Variants in TAF2 observed in about 807,000 individuals in gnomAD.
TAF2 encodes the protein transcription initiation factor TFIID subunit 2.
A neutral mutation model predicts 138.5 loss-of-function variants in TAF2; 61 were observed. That is an observed-to-expected ratio of 0.44 (90% CI 0.36 to 0.54). The LOEUF (loss-of-function observed/expected upper bound fraction) is 0.54, where lower values mean the gene tolerates loss of function less well. TAF2 is among the 20% of genes least tolerant of loss of function. TAF2 has a pLI of 0.00. For missense variants in TAF2, 1,090 were observed against 1,427.9 expected, an observed-to-expected ratio of 0.76 and a Z score of 3.81; for synonymous variants, 475 against 469.9, an observed-to-expected ratio of 1.01 and a Z score of -0.14.
At chr8:119,757,464 T>C (rs1346913927) in intron 21 of TAF2, among the ~76,000 whole-genome samples, 3 of 152,216 alleles carry the variant, frequency 2.0e-5, no homozygotes, top group Non-Finnish European at 4.4e-5. Flanking sequence ...TGTGAGTTTG[T>C]TCTTTAGTGC....
Position 119,812,552 on chromosome 8 carries a change from C to A in TAF2, c.300-6151G>T, listed in dbSNP as rs910544317. Among the ~76,000 whole-genome samples, 3 of 152,082 alleles carry A rather than the reference C, an allele frequency of 2.0e-5. No homozygotes were observed. In the East Asian group the frequency reaches 5.8e-4, roughly 29 times the overall value. On this transcript the variant is annotated intron_variant, in intron 3 of 25. Coordinates refer to ENST00000378164, the MANE Select transcript of TAF2 (RefSeq NM_003184.4). ...TCTTCACATACCCATAGCTTAGTCTCGAATAATCTGATGGTTTAGATTTCA... is the reference window on the plus strand; with the variant it reads ...TCTTCACATACCCATAGCTTAGTCTAGAATAATCTGATGGTTTAGATTTCA...
Position 119,794,225 on chromosome 8 carries a change from G to A in TAF2, c.1192-774C>T, listed in dbSNP as rs533701066. On this transcript the variant is annotated intron_variant, in intron 9 of 25. Coordinates refer to ENST00000378164, the MANE Select transcript of TAF2 (RefSeq NM_003184.4). ...ATCCTGGCCAACATGGTGAAATCCC[G>A]TCTCTACTAAAAATACAAAAAATTA... Among the ~76,000 whole-genome samples, 48 of 152,070 alleles carry A rather than the reference G, an allele frequency of 3.2e-4. 2 individuals carry two copies. The South Asian group carries it at 7.3e-3, about 23-fold the overall frequency.
At chr8:119,765,245 A>T (rs1039937922) in intron 18 of TAF2, among the ~76,000 whole-genome samples, 3 of 152,220 alleles carry the variant, frequency 2.0e-5, no homozygotes, top group African/African-American at 7.2e-5. Flanking sequence ...CTGGAGACAC[A>T]GAGATAAGAT....
intron 3 of TAF2, among the ~76,000 whole-genome samples, chr8:119,816,467 T>C (rs1308786619): frequency 6.6e-6 from 1 of 152,234 alleles, no homozygotes; most frequent in African/African-American, 2.4e-5. Context: ...AAGACATACT[T>C]GTATGTAAAA....
rs201947539 is a variant in TAF2 at position 119,812,718 on chromosome 8, G to GGTGTGTGTGTGT, written c.300-6329_300-6318dup. On this transcript the variant is annotated intron_variant, in intron 3 of 25. Transcript: ENST00000378164. ...TTTTTATGGCTGAGTAGTATTCCAT[G>GGTGTGTGTGTGT]GTGTGTGTGTGTGTGTGTGTGTGTG... Among the ~76,000 whole-genome samples, 309 of 143,948 alleles carry GGTGTGTGTGTGT rather than the reference G, an allele frequency of 2.1e-3. 2 individuals are homozygous for GGTGTGTGTGTGT. Among genetic ancestry groups the GGTGTGTGTGTGT allele is most frequent in the Admixed American group, 9.7e-3 (144 of 14,792 alleles). The allele number at this position is 143,948 out of a possible 152,430, so 94.4% of individuals were successfully genotyped here.
rs758792791 is a variant in TAF2 at position 119,795,592 on chromosome 8, G to C, written c.1131C>G (p.Ile377Met). 1 of 1,613,732 alleles carries C rather than the reference G, an allele frequency of 6.2e-7. No homozygotes were observed. Among genetic ancestry groups the C allele is most frequent in the Non-Finnish European group, 8.5e-7 (1 of 1,179,812 alleles). Reference sequence around the variant, plus strand: ...AAGTTTTTTTCATCCAAAGTCCATAGATATAGCCTGAAATTCCCTTCAGCA... The same window carrying C: ...AAGTTTTTTTCATCCAAAGTCCATACATATAGCCTGAAATTCCCTTCAGCA... The part of the protein sequence containing the change: ...EWVLKGISGY[I>M]YGLWMKKTFG... The change falls in exon 9 of 26, where the codon ATC (isoleucine) becomes ATG (methionine). Residue 377 changes from isoleucine (I) to methionine (M), a missense_variant. Ile to Met is a conservative substitution (Grantham distance 10). Coordinates refer to ENST00000378164, the MANE Select transcript of TAF2 (RefSeq NM_003184.4).
intron 24 of TAF2, 136 bp downstream of exon 24, chr8:119,744,152 T>G (rs1819788072): frequency 2.3e-6 from 2 of 866,858 alleles, no homozygotes; most frequent in East Asian, 5.1e-5. Flanking sequence ...TGTTATAATC[T>G]GCTACAATTT....
intron 3 of TAF2, among the ~76,000 whole-genome samples, chr8:119,809,769 A>T (rs1461898648): frequency 6.6e-6 from 1 of 152,198 alleles, no homozygotes; most frequent in Admixed American, 6.5e-5. Flanking sequence ...TTATCATTTA[A>T]GTTTACCATC....
chr8:119,817,057 A>G (rs1346535204), intron 3 of TAF2, among the ~76,000 whole-genome samples: 1 of 152,214 alleles, frequency 6.6e-6, no homozygotes, highest in East Asian at 1.9e-4. Context: ...ATAGTCAAGC[A>G]TAGTAGACAA....
intron 22 of TAF2, among the ~76,000 whole-genome samples, chr8:119,755,045 T>G (rs1385866637): frequency 6.6e-6 from 1 of 152,244 alleles, no homozygotes; most frequent in Non-Finnish European, 1.5e-5. Context: ...TAATTCTATT[T>G]GTAGTAGGTA....
rs78328922 is a variant in TAF2, at chr8:119,769,568, A to C, written c.2365-6960T>G. Among the ~76,000 whole-genome samples, 51 of 152,214 alleles carry C rather than the reference A, an allele frequency of 3.4e-4. 1 individual carries two copies. The East Asian group carries it at 9.7e-3, about 29-fold the overall frequency. ...AGTTGAAAAGCAATACAAAGAAACC[A>C]GAAAAACAATTCAGGAGATGAAAGA... On this transcript the variant is annotated intron_variant, in intron 18 of 25. Transcript: ENST00000378164.
rs900468684 is a variant in TAF2, at chr8:119,732,068, ATGGTGATGG to A, written c.3447_3455del (p.His1150_His1152del). ...GCTTCTTCTTCTTTTTCTTGTGCTC[ATGGTGATGG>A]TGGTGATGGTGGTCACTGTGTTTGG... On this transcript the variant is annotated inframe_deletion, in exon 26 of 26. Transcript: ENST00000378164. 8.1e-6 allele frequency: 13 copies of A among 1,613,904 alleles called. No individual in the cohort carries two copies. Among genetic ancestry groups the A allele is most frequent in the East Asian group, 2.2e-5 (1 of 44,876 alleles).
chr8:119,830,850 A>G (rs1826399999), intron 2 of TAF2, among the ~76,000 whole-genome samples: 1 of 152,218 alleles, frequency 6.6e-6, no homozygotes, highest in Non-Finnish European at 1.5e-5. Context: ...TCATGCCTGT[A>G]ATCCCAGCAT....
chr8:119,788,265 T>C, intron 14 of TAF2, 73 bp downstream of exon 14: 1 of 1,376,680 alleles, frequency 7.3e-7, no homozygotes, highest in Non-Finnish European at 1.0e-6. Context: ...TACAAGAGAA[T>C]TTTTATTTTG....
At chr8:119,789,493 T>C (rs1364935928) in intron 12 of TAF2, 99 bp downstream of exon 12, 3 of 1,396,606 alleles carry the variant, frequency 2.1e-6, no homozygotes, top group Admixed American at 1.7e-5. Context: ...CAGTTCATAC[T>C]TCCTTGAGTC....
Position 119,788,924 on chromosome 8 carries a change from A to C in TAF2, c.1569-20T>G, listed in dbSNP as rs1277471811. On this transcript the variant is annotated intron_variant, in intron 12 of 25. Coordinates refer to ENST00000378164, the MANE Select transcript of TAF2 (RefSeq NM_003184.4). ...TGATCTCTGAAGAATTGTAAAGGAA[A>C]GTTTACATACTGAAACGAATATGTA... 2.7e-6 allele frequency: 4 copies of C among 1,476,990 alleles called. No homozygotes were observed. Among genetic ancestry groups the C allele is most frequent in the Non-Finnish European group, 3.8e-6 (4 of 1,055,036 alleles). The allele number at this position is 1,476,990 out of a possible 1,614,324, so 91.5% of individuals were successfully genotyped here. A position where few individuals can be genotyped will look rare whatever the true frequency, so the allele number is the denominator to read the frequency against.
rs1489258913 is a variant in TAF2 at position 119,772,959 on chromosome 8, T to C, written c.2364+5060A>G. Among the ~76,000 whole-genome samples the C allele has an allele frequency of 5.4e-5, 8 of 148,896 alleles. No individual in the cohort carries two copies. In the Admixed American group the frequency reaches 5.7e-4, roughly 11 times the overall value. ...TCTCAAATAATAATAATAATAATAATAACAATAATAATATTACTTAAAATA... is the reference window on the plus strand; with the variant it reads ...TCTCAAATAATAATAATAATAATAACAACAATAATAATATTACTTAAAATA... On this transcript the variant is annotated intron_variant, in intron 18 of 25. Coordinates refer to ENST00000378164, the MANE Select transcript of TAF2 (RefSeq NM_003184.4).
chr8:119,742,586 G>A lies in TAF2; in HGVS notation c.3285C>T (p.Ser1095=). The change falls in exon 25 of 26, where the codon AGC becomes AGT. Residue 1095 remains serine (S), a synonymous_variant. Coordinates refer to ENST00000378164, the MANE Select transcript of TAF2 (RefSeq NM_003184.4). ...TCCACTGGGGTTTTGTGGTGGGTGT[G>A]CTGTCACAGCCTGCTGAGTGCTGGG... The part of the protein sequence containing the change: ...LIPQHSAGCD[S]TPTTKPQWSL... 6.2e-7 allele frequency: 1 copy of A among 1,613,994 alleles called. No individual in the cohort carries two copies. Among genetic ancestry groups the A allele is most frequent in the Non-Finnish European group, 8.5e-7 (1 of 1,179,970 alleles).
At chr8:119,737,171 A>G (rs1468567520) in intron 25 of TAF2, among the ~76,000 whole-genome samples, 1 of 152,234 alleles carries the variant, frequency 6.6e-6, no homozygotes, top group Non-Finnish European at 1.5e-5. Context: ...GTTAAAAATA[A>G]AAATAAATAA....
Sources: allele counts gnomAD v4.1 joint callset (sites outside exome capture counted in the v4.1 genomes callset), GRCh38; gene constraint gnomAD v4.1.1; transcripts MANE v1.5; gene names NCBI Gene and HGNC (gene_info 2026-07-23, HGNC 2026-07-21).